The following CACNA1C variants were observed in gnomAD, a reference collection of about 807,000 sequenced individuals.
CACNA1C encodes calcium voltage-gated channel subunit alpha1 C.
In CACNA1C, 30 loss-of-function variants were observed where a neutral mutation model predicts 229.0. The ratio of observed to expected loss-of-function variants is 0.13; its 90% CI spans 0.10 to 0.18. The LOEUF is 0.18. CACNA1C is among the 10% of genes least tolerant of loss of function. The probability of loss-of-function intolerance (pLI) is 1.00; values close to 1 mark genes in which losing one functional copy is unlikely to be tolerated. For missense variants in CACNA1C, 1,658 were observed against 2,845.0 expected, an observed-to-expected ratio of 0.58 and a Z score of 9.49; for synonymous variants, 1,114 against 1,132.5, an observed-to-expected ratio of 0.98 and a Z score of 0.33.
Position 2,215,485 on chromosome 12 carries a change from C to T in CACNA1C, c.477+95055C>T, listed in dbSNP as rs1318767969. Among the ~76,000 whole-genome samples, 4 of 152,186 alleles carry T rather than the reference C, an allele frequency of 2.6e-5. No homozygotes were observed. Among genetic ancestry groups the T allele is most frequent in the Non-Finnish European group, 5.9e-5 (4 of 68,038 alleles). On this transcript the variant is annotated intron_variant, in intron 3 of 46. Transcript: ENST00000399655. This position sits in a 1 kb window ranked among gnomAD's most constrained non-coding sequence, Gnocchi z 5.0. Reference sequence around the variant, plus strand: ...CCTCCTAGGCTTGGTTCCTCTCCTTCCTCGGGGCCTGATTCCTCCAGCTCA... The same window carrying T: ...CCTCCTAGGCTTGGTTCCTCTCCTTTCTCGGGGCCTGATTCCTCCAGCTCA...
chr12:2,584,934 G>A (rs534665224), intron 16 of CACNA1C, among the ~76,000 whole-genome samples: 6 of 152,190 alleles, frequency 3.9e-5, no homozygotes, highest in Non-Finnish European at 7.4e-5. Flanking sequence ...GTTGGGAAAC[G>A]CAGCTCCAGC....
intron 1 of CACNA1C, among the ~76,000 whole-genome samples, chr12:2,031,239 G>T (rs1444731356): frequency 6.6e-6 from 1 of 152,168 alleles, no homozygotes; most frequent in African/African-American, 2.4e-5. Context: ...CTCTCTTGGG[G>T]GTCCAACCTG....
At chr12:2,571,277 A>G (rs2054249878) in intron 13 of CACNA1C, among the ~76,000 whole-genome samples, 2 of 152,216 alleles carry the variant, frequency 1.3e-5, no homozygotes, top group African/African-American at 4.8e-5. Flanking sequence ...CATGCACTGC[A>G]GAGCTGAGAG....
At chr12:2,435,839 G>A (rs537800055) in intron 3 of CACNA1C, among the ~76,000 whole-genome samples, 55 of 152,324 alleles carry the variant, frequency 3.6e-4, no homozygotes, top group African/African-American at 1.3e-3. Context: ...GCGAGGTCTT[G>A]CACGCTTGCT....
intron 3 of CACNA1C, among the ~76,000 whole-genome samples, chr12:2,415,337 G>A (rs1196800537): frequency 2.0e-5 from 3 of 152,016 alleles, no homozygotes; most frequent in Non-Finnish European, 4.4e-5. Flanking sequence ...TTCTACCTAC[G>A]TTTCCAAACT....
chr12:2,616,253 C>G (rs141713934), intron 29 of CACNA1C, among the ~76,000 whole-genome samples: 2 of 152,222 alleles, frequency 1.3e-5, no homozygotes, highest in Non-Finnish European at 2.9e-5. Flanking sequence ...CTTTCCCACA[C>G]GTTCCCAGTC....
chr12:2,686,385 C>T (rs1185187923), intron 45 of CACNA1C, 116 bp downstream of exon 45: 15 of 842,186 alleles, frequency 1.8e-5, no homozygotes, highest in African/African-American at 3.3e-5. Context: ...ATGGCTGGCA[C>T]GTCCTGCCCC....
intron 9 of CACNA1C, among the ~76,000 whole-genome samples, chr12:2,536,687 T>C (rs964232101): frequency 1.3e-5 from 2 of 152,126 alleles, no homozygotes; most frequent in South Asian, 2.1e-4. Flanking sequence ...AAATTAGCCA[T>C]GCATGGTGGT....
At chr12:2,663,291 A>G (rs1244688239) in intron 34 of CACNA1C, among the ~76,000 whole-genome samples, 1 of 152,234 alleles carries the variant, frequency 6.6e-6, no homozygotes, top group African/African-American at 2.4e-5. Context: ...CTCCTGCAAG[A>G]ATGGCTGCAA....
chr12:2,675,114 C>G (rs1351648558), intron 39 of CACNA1C, among the ~76,000 whole-genome samples: 4 of 152,174 alleles, frequency 2.6e-5, no homozygotes, highest in Non-Finnish European at 5.9e-5. Flanking sequence ...TATCAAGCCT[C>G]AAATCCCTTT....
chr12:2,661,298 CACACACACACACACACAA>C (rs1180119439), intron 34 of CACNA1C, among the ~76,000 whole-genome samples: 6 of 150,852 alleles, frequency 4.0e-5, no homozygotes, highest in Non-Finnish European at 7.4e-5. Flanking sequence ...CACACACACA[CACACACACACACACACAA>C]GATTTTTCTA....
chr12:2,515,417 C>T (rs946788094), intron 9 of CACNA1C, among the ~76,000 whole-genome samples: 2 of 152,176 alleles, frequency 1.3e-5, no homozygotes, highest in African/African-American at 4.8e-5. Flanking sequence ...TCATAGATTG[C>T]TCTTTGAAAC....
intron 34 of CACNA1C, 40 bp from the exon 35 acceptor site, chr12:2,664,785 T>C (rs1210005191): frequency 6.6e-7 from 1 of 1,514,028 alleles, no homozygotes; most frequent in African/African-American, 1.4e-5. Flanking sequence ...TTGGCATCTG[T>C]AGGATGGGCT....
intron 3 of CACNA1C, among the ~76,000 whole-genome samples, chr12:2,419,071 C>T (rs773234943): frequency 2.0e-5 from 3 of 152,166 alleles, no homozygotes; most frequent in East Asian, 1.9e-4. Context: ...TGAGGCCCTC[C>T]GGGGCATAAC....
intron 18 of CACNA1C, among the ~76,000 whole-genome samples, chr12:2,591,030 GAC>G (rs1289246330): frequency 2.0e-5 from 3 of 152,090 alleles, no homozygotes; most frequent in Non-Finnish European, 4.4e-5. Flanking sequence ...TTGTCCTGTA[GAC>G]AGTTTTTCAT....
At chr12:2,279,877 T>G (rs539179916) in intron 3 of CACNA1C, among the ~76,000 whole-genome samples, 1 of 152,366 alleles carries the variant, frequency 6.6e-6, no homozygotes, top group South Asian at 2.1e-4. Flanking sequence ...TCATACCATT[T>G]TATATAAGGG....
intron 29 of CACNA1C, among the ~76,000 whole-genome samples, chr12:2,615,215 G>A (rs1465726767): frequency 1.3e-5 from 2 of 152,228 alleles, no homozygotes; most frequent in African/African-American, 4.8e-5. Context: ...GCAGGACCAG[G>A]CTGGGCAGCA....
intron 1 of CACNA1C, among the ~76,000 whole-genome samples, chr12:2,017,606 T>C (rs1388854704): frequency 6.6e-6 from 1 of 151,782 alleles, no homozygotes; most frequent in Non-Finnish European, 1.5e-5. Flanking sequence ...AATTGCCAGA[T>C]ACCCACTAAA....
chr12:2,226,922 C>T (rs574098212), intron 3 of CACNA1C, among the ~76,000 whole-genome samples: 5 of 152,362 alleles, frequency 3.3e-5, no homozygotes, highest in South Asian at 2.1e-4. Flanking sequence ...GCATCTGAAT[C>T]CCGGTCCAGG....
Sources: gnomAD v4.1 joint callset for allele counts (sites outside exome capture counted in the v4.1 genomes callset) on GRCh38, gnomAD v4.1.1 for gene constraint, Gnocchi (gnomAD v3.1) non-coding constraint, MANE v1.5 for transcripts, NCBI Gene and HGNC (gene_info 2026-07-23, HGNC 2026-07-21) for gene names.